The following VLDLR variants were observed in gnomAD, a reference collection of about 807,000 sequenced individuals.
VLDLR encodes the protein very low density lipoprotein receptor, also known as very low-density lipoprotein receptor.
A neutral mutation model predicts 112.7 loss-of-function variants in VLDLR; 81 were observed. The observed-to-expected ratio is 0.72, with a 90% confidence interval of 0.60 to 0.86. The LOEUF is 0.86. VLDLR is among the 40% of genes least tolerant of loss of function. The probability of loss-of-function intolerance (pLI) is 0.00; values close to 1 mark genes in which losing one functional copy is unlikely to be tolerated. For synonymous variants in VLDLR, 436 were observed against 384.8 expected (o/e 1.13, Z -1.56); for missense variants, 1,237 against 1,099.4 (o/e 1.13, Z -1.77).
chr9:2,644,798 C>G lies in VLDLR; in HGVS notation c.1131C>G (p.Gly377=). Residue 377 remains glycine, a synonymous_variant, in exon 8 of 19, where the codon GGC becomes GGG. Coordinates refer to ENST00000382100, the MANE Select transcript of VLDLR (RefSeq NM_003383.5). ...CSHICKDLVI[G]YECDCAAGFE... ...ATATCTGCAAAGACCTAGTTATAGG[C>G]TACGAGTGTGACTGTGCAGCTGGGT... The G allele has an allele frequency of 6.2e-7, 1 of 1,614,180 alleles. No homozygotes were observed. Among genetic ancestry groups the G allele is most frequent in the Non-Finnish European group, 8.5e-7 (1 of 1,180,022 alleles).
intron 1 of VLDLR, among the ~76,000 whole-genome samples, chr9:2,626,155 C>G (rs1226567459): frequency 6.6e-6 from 1 of 152,198 alleles, no homozygotes; most frequent in Non-Finnish European, 1.5e-5. Context: ...AAGGGTTCCA[C>G]AGAGTTTAGA....
rs35485885 is a variant in VLDLR, at chr9:2,648,497, G to T, written c.1962+150G>T. 1.8e-3 allele frequency: 2,777 copies of T among 1,511,370 alleles called. 59 individuals carry two copies. The African/African-American group carries it at 0.031, about 17-fold the overall frequency. The allele number at this position is 1,511,370 out of a possible 1,614,324, so 93.6% of individuals were successfully genotyped here. On this transcript the variant is annotated intron_variant, in intron 13 of 18. Transcript: ENST00000382100. ...AAACCTGGTACAAATCAGACACTAA[G>T]TCCCAGAAGCACTCCACACCTAAAC...
intron 1 of VLDLR, among the ~76,000 whole-genome samples, chr9:2,634,590 G>A (rs1320661512): frequency 6.6e-6 from 1 of 152,214 alleles, no homozygotes; most frequent in Non-Finnish European, 1.5e-5. Flanking sequence ...TCACACCATT[G>A]TGTGAATTAA....
intron 3 of VLDLR, among the ~76,000 whole-genome samples, chr9:2,640,767 G>T (rs946418049): frequency 2.6e-5 from 4 of 152,192 alleles, no homozygotes; most frequent in African/African-American, 9.7e-5. Flanking sequence ...CAATTTTCTA[G>T]ATAAGAAGTG....
intron 9 of VLDLR, 65 bp from the exon 10 acceptor site, chr9:2,645,509 A>G: frequency 6.4e-7 from 1 of 1,568,310 alleles, no homozygotes. Flanking sequence ...TGCTGGGAGG[A>G]GGTGGTTTAG....
chr9:2,644,155 T>G (rs969511038), intron 7 of VLDLR, among the ~76,000 whole-genome samples, 196 bp downstream of exon 7: 1 of 89,290 alleles, frequency 1.1e-5, no homozygotes, highest in African/African-American at 9.2e-5. Flanking sequence ...TTTTTGTTGT[T>G]TTTTTTTTTT....
rs906332834 is a variant in VLDLR at position 2,657,363 on chromosome 9, A to G, written c.*3495A>G. ...GCTAATTTAAGTTGAAGTACTATGA[A>G]TACAACCTGCTAATCTTGATCCCCA... is the stretch of plus-strand genomic sequence containing the variant. On this transcript the variant is annotated 3_prime_UTR_variant, in exon 19 of 19. Coordinates refer to ENST00000382100, the MANE Select transcript of VLDLR (RefSeq NM_003383.5). The G allele has an allele frequency of 2.0e-5, 3 of 152,230 alleles. No homozygotes were observed. The highest frequency in any genetic ancestry group is 6.5e-5 in the Admixed American group (1 of 15,282). The allele number at this position is 152,230 out of a possible 1,614,324, so 9.4% of individuals were successfully genotyped here.
rs185976292 is a variant in VLDLR, at chr9:2,627,784, G to C, written c.82+5513G>C. On this transcript the variant is annotated intron_variant, in intron 1 of 18. Transcript: ENST00000382100. ...GGAGGCTGAGGCAGGAGAATCGCTT[G>C]AACCCGGGTGGCAGAGATTTCAGTG... Among the ~76,000 whole-genome samples, 4 of 151,052 alleles carry C rather than the reference G, an allele frequency of 2.6e-5. No homozygotes were observed. The East Asian group carries it at 5.9e-4, about 22-fold the overall frequency.
chr9:2,645,639 G>C lies in VLDLR; in HGVS notation c.1378G>C (p.Glu460Gln). 2.5e-6 allele frequency: 4 copies of C among 1,614,206 alleles called. No individual in the cohort carries two copies. Among genetic ancestry groups the C allele is most frequent in the Non-Finnish European group, 3.4e-6 (4 of 1,180,038 alleles). Residue 460 changes from glutamate to glutamine, a missense_variant, in exon 10 of 19, where the codon GAA becomes CAA. Coordinates refer to ENST00000382100, the MANE Select transcript of VLDLR (RefSeq NM_003383.5). ...CAGGAAGATTGGCTTAGAGAGGAAA[G>C]AATATATCCAACTAGTTGAACAGCT... ...DIRKIGLERKEYIQLVEQLRN... is the reference protein window; with the variant it reads ...DIRKIGLERKQYIQLVEQLRN...
rs1818723755 is a variant in VLDLR, at chr9:2,659,437, A to G, written c.*5569A>G. On this transcript the variant is annotated 3_prime_UTR_variant, in exon 19 of 19. Transcript: ENST00000382100. ...TACTACATCAGGTCAGCACAGATTA[A>G]CTCAGTTACGTGTTATACCTTCAAG... is the stretch of plus-strand genomic sequence containing the variant. 1 of 152,176 alleles carries G rather than the reference A, an allele frequency of 6.6e-6. No homozygotes were observed. The highest frequency in any genetic ancestry group is 1.5e-5 in the Non-Finnish European group (1 of 68,026). 9.4% of individuals were successfully genotyped at this position (152,176 alleles called of 1,614,324 possible). A position where few individuals can be genotyped will look rare whatever the true frequency, so the allele number is the denominator to read the frequency against.
Position 2,639,866 on chromosome 9 carries a change from G to T in VLDLR, c.210G>T (p.Lys70Asn). ...TCAAATAAACGTTTGTAGTAAAGAA[G>T]ACGTGTGCTGAATCTGACTTCGTGT... is the stretch of plus-strand genomic sequence containing the variant. ...DGSDEKNCVK[K>N]TCAESDFVCN... Residue 70 changes from lysine (K) to asparagine (N), a missense_variant, in exon 3 of 19, where the codon AAG becomes AAT. Lys to Asn is a moderately conservative substitution (Grantham distance 94). Transcript: ENST00000382100. 1 of 1,614,112 alleles carries T rather than the reference G, an allele frequency of 6.2e-7. No individual in the cohort carries two copies. The highest frequency in any genetic ancestry group is 8.5e-7 in the Non-Finnish European group (1 of 1,180,010).
chr9:2,639,741 C>G (rs1817745660), intron 2 of VLDLR, 118 bp from the exon 3 acceptor site: 3 of 1,465,096 alleles, frequency 2.0e-6, no homozygotes, highest in Admixed American at 1.7e-5. Context: ...AGTTGAGTGC[C>G]CATTGACTCA....
At position 2,635,561 on chromosome 9, in the gene VLDLR, A is replaced by G; in HGVS notation, c.191A>G (p.Glu64Gly). 1 of 1,614,136 alleles carries G rather than the reference A, an allele frequency of 6.2e-7. No homozygotes were observed. The highest frequency in any genetic ancestry group is 8.5e-7 in the Non-Finnish European group (1 of 1,179,952). ...GDEDCVDGSD[E>G]KNCVKKTCAE... is the part of the protein sequence containing the mutation. ...GAAGACTGTGTTGACGGCAGTGATG[A>G]AAAGAACTGTGGTAAGTAAAGAGTT... is the stretch of plus-strand genomic sequence containing the variant. The change falls in exon 2 of 19, where the codon GAA becomes GGA. Residue 64 changes from glutamate (E) to glycine (G), a missense_variant. Coordinates refer to ENST00000382100, the MANE Select transcript of VLDLR (RefSeq NM_003383.5).
Position 2,641,359 on chromosome 9 carries a change from A to C in VLDLR, c.326-18A>C. On this transcript the variant is annotated intron_variant, in intron 3 of 18. Coordinates refer to ENST00000382100, the MANE Select transcript of VLDLR (RefSeq NM_003383.5). ...TGATCAGTTCTGAGGCTCTTTTGAG[A>C]CTGTATATCATCAACAGATATGAGA... 6.2e-7 allele frequency: 1 copy of C among 1,613,972 alleles called. No homozygotes were observed. Among genetic ancestry groups the C allele is most frequent in the Non-Finnish European group, 8.5e-7 (1 of 1,179,896 alleles).
rs1818589625 is a variant in VLDLR at position 2,656,002 on chromosome 9, G to A, written c.*2134G>A. ...ACCAAATTCCCTTTAGAAGCTTGAA[G>A]TTTGATACTATTGCTTTCCCCATTA... On this transcript the variant is annotated 3_prime_UTR_variant, in exon 19 of 19. Transcript: ENST00000382100. 1 of 151,744 alleles carries A rather than the reference G, an allele frequency of 6.6e-6. No homozygotes were observed. Among genetic ancestry groups the A allele is most frequent in the African/African-American group, 2.4e-5 (1 of 41,262 alleles). 9.4% of individuals were successfully genotyped at this position (151,744 alleles called of 1,614,324 possible).
chr9:2,648,672 C>T lies in VLDLR; in HGVS notation c.1966C>T (p.Arg656Cys), dbSNP rs754226022. 4.5e-5 allele frequency: 72 copies of T among 1,614,014 alleles called. No homozygotes were observed. The highest frequency in any genetic ancestry group is 5.5e-5 in the Non-Finnish European group (65 of 1,180,036). ...TAATTGTGGGCTTCTGTTTTAGGAT[C>T]GTGTCTACTGGATAGATGGGGAAAA... The part of the protein sequence containing the change: ...HPLALTIFED[R>C]VYWIDGENEA... The change falls in exon 14 of 19, where the codon CGT becomes TGT. Residue 656 changes from arginine (R) to cysteine (C), a missense_variant. Transcript: ENST00000382100.
chr9:2,634,255 C>T (rs553988835), intron 1 of VLDLR, among the ~76,000 whole-genome samples: 3 of 152,130 alleles, frequency 2.0e-5, no homozygotes, highest in African/African-American at 4.8e-5. Flanking sequence ...GTATTGTGCA[C>T]GTAACACAAG....
intron 1 of VLDLR, chr9:2,622,517 C>G (rs2130749288): frequency 2.3e-6 from 1 of 433,754 alleles, no homozygotes; most frequent in Non-Finnish European, 4.0e-6. Flanking sequence ...TCTTCTGCCC[C>G]TCACTCCGCC....
At chr9:2,638,103 C>T (rs190613053) in intron 2 of VLDLR, among the ~76,000 whole-genome samples, 1 of 152,170 alleles carries the variant, frequency 6.6e-6, no homozygotes, top group Non-Finnish European at 1.5e-5. Flanking sequence ...CCTCCATGCT[C>T]AGGAGAACAC....
Sources: gnomAD v4.1 joint callset for allele counts (sites outside exome capture counted in the v4.1 genomes callset) on GRCh38, gnomAD v4.1.1 for gene constraint, MANE v1.5 for transcripts, NCBI Gene and HGNC (gene_info 2026-07-23, HGNC 2026-07-21) for gene names.